Variants in PRPSAP2 observed in about 807,000 individuals in gnomAD.
The protein encoded by PRPSAP2 is phosphoribosyl pyrophosphate synthase-associated protein 2.
Under a neutral mutation model 40.6 loss-of-function variants are expected in PRPSAP2, and 24 were observed. The observed-to-expected ratio is 0.59, with a 90% CI of 0.43 to 0.83. The LOEUF is 0.83. PRPSAP2 is among the 40% of genes least tolerant of loss of function. PRPSAP2 has a pLI of 0.00. For synonymous variants in PRPSAP2, 149 were observed against 164.7 expected, an observed-to-expected ratio of 0.90 and a Z score of 0.73; for missense variants, 292 against 465.6, an observed-to-expected ratio of 0.63 and a Z score of 3.43.
intron 10 of PRPSAP2, among the ~76,000 whole-genome samples, chr17:18,928,117 G>A (rs966717019): frequency 6.6e-6 from 1 of 151,960 alleles, no homozygotes; most frequent in African/African-American, 2.4e-5. Flanking sequence ...AGTAACATCA[G>A]TATGCAATTA....
intron 3 of PRPSAP2, among the ~76,000 whole-genome samples, chr17:18,866,440 TG>T (rs2037438192): frequency 1.3e-5 from 2 of 152,144 alleles, no homozygotes; most frequent in Non-Finnish European, 2.9e-5. Context: ...GGCGGGCACC[TG>T]TAGTCCCAGC....
intron 1 of PRPSAP2, among the ~76,000 whole-genome samples, chr17:18,863,140 T>G (rs2037163262): frequency 6.6e-6 from 1 of 152,024 alleles, no homozygotes; most frequent in Non-Finnish European, 1.5e-5. Flanking sequence ...TATTTATTTT[T>G]TTATTTTTTT....
intron 9 of PRPSAP2, among the ~76,000 whole-genome samples, chr17:18,920,854 C>T (rs541092534): frequency 6.6e-6 from 1 of 152,098 alleles, no homozygotes; most frequent in Admixed American, 6.6e-5. Flanking sequence ...ATTTGGTGAG[C>T]CTCTTTTTGG....
chr17:18,895,298 T>TG (rs1845136732), intron 8 of PRPSAP2, among the ~76,000 whole-genome samples: 1 of 151,754 alleles, frequency 6.6e-6, no homozygotes, highest in South Asian at 2.1e-4. Flanking sequence ...GGGGTCTGAC[T>TG]GTGTTGCCTA....
chr17:18,880,639 G>A (rs1264639317), intron 6 of PRPSAP2, among the ~76,000 whole-genome samples: 1 of 152,034 alleles, frequency 6.6e-6, no homozygotes, highest in Middle Eastern at 3.2e-3. Context: ...AAACACCTGG[G>A]CTCAAGTGAT....
intron 4 of PRPSAP2, among the ~76,000 whole-genome samples, chr17:18,870,999 C>T (rs1329954438): frequency 6.6e-6 from 1 of 151,564 alleles, no homozygotes; most frequent in African/African-American, 2.4e-5. Context: ...TTCACATTTC[C>T]CTAATTGTCC....
At chr17:18,908,785 A>G (rs915435823) in intron 8 of PRPSAP2, 15 of 688,524 alleles carry the variant, frequency 2.2e-5, no homozygotes, top group Non-Finnish European at 3.4e-5. Context: ...AAAAACGATC[A>G]TGCCAAAAAA....
upstream of PRPSAP2, among the ~76,000 whole-genome samples, chr17:18,857,088 C>T (rs2036630122): frequency 6.6e-6 from 1 of 152,100 alleles, no homozygotes; most frequent in Admixed American, 6.5e-5. Context: ...AACCCCAGGA[C>T]TTTAGGAGGC....
rs188045554 is a variant in PRPSAP2, at chr17:18,927,804, T to C, written c.805-1007T>C. Among the ~76,000 whole-genome samples the C allele has an allele frequency of 5.9e-5, 9 of 152,184 alleles. No individual in the cohort carries two copies. In the East Asian group the frequency reaches 1.7e-3, roughly 29 times the overall value. On this transcript the variant is annotated intron_variant, in intron 10 of 11. Coordinates refer to ENST00000268835, the MANE Select transcript of PRPSAP2 (RefSeq NM_002767.4). Reference sequence around the variant, plus strand: ...GTGTGTATGTATTTTTTTTGAGGTATGGTCTGGGTCTGCTGCCCAGGTTGG... The same window carrying C: ...GTGTGTATGTATTTTTTTTGAGGTACGGTCTGGGTCTGCTGCCCAGGTTGG...
intron 8 of PRPSAP2, 150 bp from the exon 9 acceptor site, chr17:18,910,953 C>G: frequency 1.1e-6 from 1 of 919,824 alleles, no homozygotes; most frequent in East Asian, 3.0e-5. Flanking sequence ...GTCCTGGTTT[C>G]TAAGAGTCTA....
chr17:18,860,382 A>G (rs2036917506), intron 1 of PRPSAP2: 2 of 152,166 alleles, frequency 1.3e-5, no homozygotes, highest in Admixed American at 1.3e-4. Flanking sequence ...GATGCCTTTT[A>G]GTTCATCTTT....
chr17:18,872,470 C>G (rs998871546), intron 4 of PRPSAP2, 113 bp from the exon 5 acceptor site: 1 of 767,022 alleles, frequency 1.3e-6, no homozygotes, highest in African/African-American at 1.7e-5. Flanking sequence ...AGTCTTATAA[C>G]AGTTTGAGTT....
chr17:18,929,773 T>A (rs975148427), intron 11 of PRPSAP2: 19 of 152,044 alleles, frequency 1.2e-4, no homozygotes, highest in Non-Finnish European at 2.1e-4. Context: ...ATAGAAAAAA[T>A]TTTTTTTCTA....
At chr17:18,865,756 A>G in intron 2 of PRPSAP2, 46 bp from the exon 3 acceptor site, 1 of 1,225,662 alleles carries the variant, frequency 8.2e-7, no homozygotes, top group Non-Finnish European at 1.1e-6. Flanking sequence ...ATTCAGGTAT[A>G]TTTCATATCA....
intron 7 of PRPSAP2, among the ~76,000 whole-genome samples, chr17:18,889,097 G>A (rs1334936505): frequency 2.0e-5 from 3 of 152,194 alleles, no homozygotes; most frequent in Non-Finnish European, 4.4e-5. Flanking sequence ...ATATTTTACT[G>A]CCTTACTTCC....
chr17:18,919,422 C>A (rs1033046832), intron 9 of PRPSAP2, among the ~76,000 whole-genome samples: 1 of 151,990 alleles, frequency 6.6e-6, no homozygotes, highest in Non-Finnish European at 1.5e-5. Flanking sequence ...GCAGGAGAAT[C>A]ACTTGAACCC....
intron 8 of PRPSAP2, among the ~76,000 whole-genome samples, chr17:18,892,144 C>CGGTG (rs2039585107): frequency 6.6e-6 from 1 of 152,150 alleles, no homozygotes; most frequent in Non-Finnish European, 1.5e-5. Flanking sequence ...CGTGAGCCAC[C>CGGTG]GCACTTGGCC....
Position 18,858,262 on chromosome 17 carries a change from G to T in PRPSAP2, c.-129+1G>T, listed in dbSNP as rs1464203395. ...GGGCCGGGGCTGGGGTCGGGGCCAG[G>T]TAGGCGGGCGGGAGCCAGTGGCGAG... is the stretch of plus-strand genomic sequence containing the variant. On this transcript the variant is annotated splice_donor_variant, in intron 1 of 11. Transcript: ENST00000268835. LOFTEE classifies it low-confidence loss of function (5UTR_SPLICE). 1 of 152,434 alleles carries T rather than the reference G, an allele frequency of 6.6e-6. No homozygotes were observed. Among genetic ancestry groups the T allele is most frequent in the Non-Finnish European group, 1.5e-5 (1 of 68,132 alleles). 9.4% of individuals were successfully genotyped at this position (152,434 alleles called of 1,614,324 possible).
chr17:18,892,401 A>G (rs1337639052), intron 8 of PRPSAP2, among the ~76,000 whole-genome samples: 3 of 152,064 alleles, frequency 2.0e-5, no homozygotes, highest in Non-Finnish European at 4.4e-5. Flanking sequence ...TTGAGGAACT[A>G]TCAGTCTCTT....
Sources: allele counts gnomAD v4.1 joint callset (sites outside exome capture counted in the v4.1 genomes callset), GRCh38; gene constraint gnomAD v4.1.1; transcripts MANE v1.5; gene names NCBI Gene and HGNC (gene_info 2026-07-23, HGNC 2026-07-21).